The following ASCC3 variants were observed in gnomAD, a reference collection of about 807,000 sequenced individuals.
The protein encoded by ASCC3 is activating signal cointegrator 1 complex subunit 3.
In ASCC3, 158 loss-of-function variants were observed where a neutral mutation model predicts 256.3. That is an observed-to-expected ratio of 0.62 (90% confidence interval 0.54 to 0.70). The LOEUF is 0.70. ASCC3 is among the 30% of genes least tolerant of loss of function. The probability of loss-of-function intolerance (pLI) is 0.00; values close to 1 mark genes in which losing one functional copy is unlikely to be tolerated. For synonymous variants in ASCC3, 948 were observed against 883.4 expected (o/e 1.07, Z -1.30); for missense variants, 2,259 against 2,626.0 (o/e 0.86, Z 3.05).
chr6:100,701,534 C>A (rs1582722323), intron 13 of ASCC3, among the ~76,000 whole-genome samples: 1 of 152,170 alleles, frequency 6.6e-6, no homozygotes, highest in Admixed American at 6.5e-5. Flanking sequence ...TGGACTAATA[C>A]AGTGCCTAAC....
chr6:100,580,348 G>C lies in ASCC3; in HGVS notation c.5550+9286C>G, dbSNP rs549823261. Among the ~76,000 whole-genome samples the C allele has an allele frequency of 2.2e-3, 338 of 151,838 alleles. 4 individuals carry two copies. Among genetic ancestry groups the C allele is most frequent in the African/African-American group, 8.0e-3 (330 of 41,436 alleles). ...TAAAGGAAGAAAAGGTCCAAAAGAA[G>C]GTACCATCAGTTAGGACTAGATACA... On this transcript the variant is annotated intron_variant, in intron 36 of 41. Transcript: ENST00000369162.
At chr6:100,709,919 G>A (rs1392333706) in intron 13 of ASCC3, among the ~76,000 whole-genome samples, 1 of 152,038 alleles carries the variant, frequency 6.6e-6, no homozygotes, top group African/African-American at 2.4e-5. Context: ...AACAGTATAG[G>A]AGATATGTAG....
intron 13 of ASCC3, among the ~76,000 whole-genome samples, chr6:100,692,111 A>G (rs77499338): frequency 0.015 from 2,338 of 152,200 alleles, 23 homozygotes; most frequent in East Asian, 0.045. Context: ...CAAGACCAAT[A>G]CTGATCTACT....
chr6:100,684,407 C>A (rs1021275388), intron 13 of ASCC3, among the ~76,000 whole-genome samples: 1 of 152,114 alleles, frequency 6.6e-6, no homozygotes, highest in Non-Finnish European at 1.5e-5. Context: ...GCTGCTGTTT[C>A]CCCCAATCCC....
At chr6:100,548,315 A>C (rs909172304) in intron 36 of ASCC3, among the ~76,000 whole-genome samples, 2 of 151,970 alleles carry the variant, frequency 1.3e-5, no homozygotes, top group African/African-American at 4.8e-5. Flanking sequence ...ATCTATGCAT[A>C]ATGTCTGCAT....
chr6:100,596,198 A>C (rs777850519), intron 34 of ASCC3, among the ~76,000 whole-genome samples: 6 of 152,138 alleles, frequency 3.9e-5, no homozygotes, highest in Admixed American at 6.6e-5. Flanking sequence ...ACACAATGAG[A>C]ATGTAGCCTT....
chr6:100,812,056 G>T (rs1770496023), intron 4 of ASCC3, among the ~76,000 whole-genome samples: 1 of 152,124 alleles, frequency 6.6e-6, no homozygotes, highest in Non-Finnish European at 1.5e-5. Context: ...CATACCCAAA[G>T]ATGCATCTCC....
chr6:100,605,162 T>C (rs781714758), intron 33 of ASCC3, among the ~76,000 whole-genome samples: 38 of 152,184 alleles, frequency 2.5e-4, no homozygotes, highest in Non-Finnish European at 4.4e-4. Context: ...TATTATGTGA[T>C]AGACACTGTT....
chr6:100,669,050 G>A (rs1285896126), intron 14 of ASCC3, among the ~76,000 whole-genome samples: 1 of 151,244 alleles, frequency 6.6e-6, no homozygotes, highest in African/African-American at 2.4e-5. Context: ...TAGATAAAGT[G>A]TTTATTTAGA....
intron 4 of ASCC3, among the ~76,000 whole-genome samples, chr6:100,808,758 C>A (rs887290591): frequency 2.6e-5 from 4 of 151,830 alleles, no homozygotes; most frequent in Admixed American, 6.6e-5. Context: ...CTGAGAAATG[C>A]ACCACTAGGT....
intron 36 of ASCC3, among the ~76,000 whole-genome samples, chr6:100,564,151 GT>G (rs1361705060): frequency 0.011 from 1,611 of 143,822 alleles, 16 homozygotes; most frequent in Non-Finnish European, 0.015. Context: ...GGGTACATGT[GT>G]TTTTTTTTTT....
intron 5 of ASCC3, among the ~76,000 whole-genome samples, chr6:100,802,486 A>T (rs573508021): frequency 5.8e-4 from 88 of 152,174 alleles, no homozygotes; most frequent in African/African-American, 2.0e-3. Flanking sequence ...TGAGCCAATT[A>T]AACCTCTTTT....
intron 8 of ASCC3, among the ~76,000 whole-genome samples, chr6:100,791,579 T>G (rs1237420360): frequency 1.3e-5 from 2 of 152,054 alleles, no homozygotes; most frequent in East Asian, 3.9e-4. Flanking sequence ...AAGAAGCAAC[T>G]CAAGTCTCAT....
At chr6:100,751,261 A>G (rs1247714825) in intron 10 of ASCC3, among the ~76,000 whole-genome samples, 1 of 152,114 alleles carries the variant, frequency 6.6e-6, no homozygotes, top group Admixed American at 6.6e-5. Context: ...CTTTAGCATT[A>G]ATGCTAGTTA....
chr6:100,729,158 T>A (rs980166581), intron 10 of ASCC3, among the ~76,000 whole-genome samples: 7 of 151,788 alleles, frequency 4.6e-5, no homozygotes, highest in Non-Finnish European at 7.4e-5. Context: ...TAAATCAAAA[T>A]CAAAATAGCC....
intron 13 of ASCC3, among the ~76,000 whole-genome samples, chr6:100,714,487 T>C (rs1778997801): frequency 6.6e-6 from 1 of 152,098 alleles, no homozygotes; most frequent in Admixed American, 6.5e-5. Context: ...GACCTGAACA[T>C]GTTACTTTAT....
chr6:100,661,183 T>C (rs1169106758), intron 16 of ASCC3, among the ~76,000 whole-genome samples: 1 of 151,782 alleles, frequency 6.6e-6, no homozygotes, highest in Non-Finnish European at 1.5e-5. Context: ...AAAGCAATAA[T>C]TTAAAATGTC....
At chr6:100,833,747 C>G (rs1452600316) in intron 4 of ASCC3, among the ~76,000 whole-genome samples, 3 of 152,108 alleles carry the variant, frequency 2.0e-5, no homozygotes, top group Non-Finnish European at 4.4e-5. Flanking sequence ...ATGTGTCATT[C>G]AGAGTGAAGG....
chr6:100,634,362 T>C (rs1053396256), intron 25 of ASCC3, among the ~76,000 whole-genome samples: 2 of 152,308 alleles, frequency 1.3e-5, no homozygotes, highest in Non-Finnish European at 2.9e-5. Flanking sequence ...TATTCGGCTG[T>C]AATTTTGCAT....
Sources: gnomAD v4.1 joint callset for allele counts (sites outside exome capture counted in the v4.1 genomes callset) on GRCh38, gnomAD v4.1.1 for gene constraint, MANE v1.5 for transcripts, NCBI Gene and HGNC (gene_info 2026-07-23, HGNC 2026-07-21) for gene names.